Variants in FSIP1 observed in about 807,000 individuals in gnomAD.
The protein encoded by FSIP1 is fibrous sheath-interacting protein 1.
In FSIP1, 65 loss-of-function variants were observed where a neutral mutation model predicts 60.9. The observed-to-expected ratio is 1.07, with a 90% CI of 0.87 to 1.31. The LOEUF (loss-of-function observed/expected upper bound fraction) is 1.31. Ranked by LOEUF, FSIP1 falls within the 40% of genes most tolerant of loss-of-function variation. FSIP1 has a pLI of 0.00. For synonymous variants in FSIP1, 209 were observed against 221.2 expected (o/e 0.94, Z 0.49); for missense variants, 675 against 665.5 (o/e 1.01, Z -0.16).
intron 10 of FSIP1, among the ~76,000 whole-genome samples, chr15:39,667,132 C>A (rs1316942658): frequency 6.6e-6 from 1 of 152,144 alleles, no homozygotes; most frequent in African/African-American, 2.4e-5. Context: ...ACTTTCCCTT[C>A]CCCCTCCAAA....
At chr15:39,690,248 T>C (rs1002423948) in intron 10 of FSIP1, among the ~76,000 whole-genome samples, 3 of 152,180 alleles carry the variant, frequency 2.0e-5, no homozygotes, top group Non-Finnish European at 2.9e-5. Context: ...AGGGCCATTA[T>C]AGGATGTTAA....
intron 5 of FSIP1, among the ~76,000 whole-genome samples, chr15:39,756,769 T>C (rs1168557052): frequency 6.6e-6 from 1 of 152,150 alleles, no homozygotes; most frequent in Non-Finnish European, 1.5e-5. Context: ...TTGATAGGTA[T>C]GCTGAAATAG....
chr15:39,678,247 A>T (rs1894022678), intron 10 of FSIP1, among the ~76,000 whole-genome samples: 2 of 152,060 alleles, frequency 1.3e-5, no homozygotes, highest in East Asian at 1.9e-4. Flanking sequence ...AAATTTTATT[A>T]AAAATGAAAT....
chr15:39,752,574 C>G (rs757397344), intron 5 of FSIP1, among the ~76,000 whole-genome samples: 2 of 151,940 alleles, frequency 1.3e-5, no homozygotes, highest in Non-Finnish European at 2.9e-5. Context: ...ATGAGAAAAG[C>G]ATGAGATAAA....
At chr15:39,681,731 T>C (rs929491514) in intron 10 of FSIP1, among the ~76,000 whole-genome samples, 6 of 152,144 alleles carry the variant, frequency 3.9e-5, no homozygotes, top group African/African-American at 1.4e-4. Context: ...TGATTCCAGA[T>C]GTACAGTCAG....
intron 8 of FSIP1, among the ~76,000 whole-genome samples, chr15:39,734,836 C>T (rs189210372): frequency 2.0e-5 from 3 of 151,968 alleles, no homozygotes; most frequent in Admixed American, 6.6e-5. Context: ...GATGAAGAAA[C>T]AATTAAAGAT....
intron 5 of FSIP1, among the ~76,000 whole-genome samples, chr15:39,751,361 T>C (rs1447002853): frequency 4.6e-5 from 7 of 151,474 alleles, no homozygotes; most frequent in Non-Finnish European, 8.9e-5. Context: ...AGCCAAGATA[T>C]GGAAACAAAC....
At chr15:39,782,144 G>C (rs58312028) in intron 1 of FSIP1, among the ~76,000 whole-genome samples, 22,680 of 152,176 alleles carry the variant, frequency 0.15, 2,545 homozygotes, top group African/African-American at 0.27. Context: ...CCTACACTGG[G>C]CTGGGGCCCA....
intron 11 of FSIP1, among the ~76,000 whole-genome samples, chr15:39,610,693 A>T (rs1890997965): frequency 6.6e-6 from 1 of 152,208 alleles, no homozygotes; most frequent in Non-Finnish European, 1.5e-5. Flanking sequence ...AAATTAAAAT[A>T]AAACAAAGAC....
intron 10 of FSIP1, among the ~76,000 whole-genome samples, chr15:39,691,035 G>C (rs1229009787): frequency 1.3e-5 from 2 of 152,238 alleles, no homozygotes; most frequent in Non-Finnish European, 2.9e-5. Context: ...GAGTTGGACT[G>C]CCTTTCCTCC....
At chr15:39,614,560 G>A (rs902283962) in intron 11 of FSIP1, among the ~76,000 whole-genome samples, 19 of 150,466 alleles carry the variant, frequency 1.3e-4, no homozygotes, top group African/African-American at 3.4e-4. Context: ...CAGGAGAATC[G>A]CCTGAACCCA....
intron 10 of FSIP1, among the ~76,000 whole-genome samples, chr15:39,649,811 G>A (rs1458540583): frequency 1.3e-5 from 2 of 152,092 alleles, no homozygotes; most frequent in African/African-American, 2.4e-5. Flanking sequence ...TTATTTCCAC[G>A]TTCCCCAACC....
chr15:39,775,689 T>C (rs1345656184), intron 2 of FSIP1, among the ~76,000 whole-genome samples: 2 of 152,152 alleles, frequency 1.3e-5, no homozygotes, highest in Non-Finnish European at 2.9e-5. Flanking sequence ...TGTTTGAAAG[T>C]GTGTAGCACC....
At chr15:39,716,854 T>C (rs538034674) in intron 9 of FSIP1, among the ~76,000 whole-genome samples, 2,457 of 147,726 alleles carry the variant, frequency 0.017, 70 homozygotes, top group African/African-American at 0.055. Flanking sequence ...CTCGCTCTGT[T>C]GCCAGGCTGG....
intron 8 of FSIP1, among the ~76,000 whole-genome samples, chr15:39,734,651 A>C (rs1896541402): frequency 6.6e-6 from 1 of 152,184 alleles, no homozygotes; most frequent in South Asian, 2.1e-4. Context: ...TAACAGTACC[A>C]GATCAGAAAT....
chr15:39,736,783 G>A (rs994551260), intron 8 of FSIP1, among the ~76,000 whole-genome samples: 6 of 152,214 alleles, frequency 3.9e-5, no homozygotes, highest in South Asian at 2.1e-4. Context: ...GAAAACAGCC[G>A]AGGGCAAGGG....
intron 10 of FSIP1, among the ~76,000 whole-genome samples, chr15:39,632,821 A>G (rs1476063591): frequency 6.6e-6 from 1 of 152,056 alleles, no homozygotes; most frequent in Non-Finnish European, 1.5e-5. Flanking sequence ...CTGTCTTTGG[A>G]AGTCAGACAA....
chr15:39,701,014 T>G (rs932761598), intron 10 of FSIP1, among the ~76,000 whole-genome samples: 1 of 152,086 alleles, frequency 6.6e-6, no homozygotes, highest in Non-Finnish European at 1.5e-5. Flanking sequence ...TAGCTGGGCA[T>G]GGTGGTGCGT....
At chr15:39,629,935 G>A (rs191630299) in intron 10 of FSIP1, among the ~76,000 whole-genome samples, 19 of 152,308 alleles carry the variant, frequency 1.2e-4, no homozygotes, top group Admixed American at 1.2e-3. Flanking sequence ...TTCCTCTTGG[G>A]TATAAATCTA....
Sources: gnomAD v4.1 joint callset for allele counts (sites outside exome capture counted in the v4.1 genomes callset) on GRCh38, gnomAD v4.1.1 for gene constraint, MANE v1.5 for transcripts, NCBI Gene and HGNC (gene_info 2026-07-23, HGNC 2026-07-21) for gene names.